The following CDC14A variants were observed in gnomAD, a reference collection of about 807,000 sequenced individuals.
The protein encoded by CDC14A is dual specificity protein phosphatase CDC14A.
Under a neutral mutation model 74.4 loss-of-function variants are expected in CDC14A, and 53 were observed. The observed-to-expected ratio is 0.71, with a 90% CI of 0.57 to 0.89. The LOEUF is 0.89. Ranked by LOEUF, CDC14A falls within the 40% of genes least tolerant of loss-of-function variation. CDC14A has a pLI of 0.00. For synonymous variants in CDC14A, 247 were observed against 258.4 expected, an observed-to-expected ratio of 0.96 and a Z score of 0.43; for missense variants, 646 against 713.7, an observed-to-expected ratio of 0.91 and a Z score of 1.08.
chr1:100,418,744 C>G (rs994944687), intron 4 of CDC14A, among the ~76,000 whole-genome samples: 27 of 152,190 alleles, frequency 1.8e-4, no homozygotes, highest in Non-Finnish European at 4.0e-4. Flanking sequence ...ATTTAAGACT[C>G]AGGGCCTTTT....
chr1:100,413,368 A>G (rs1403024035), intron 4 of CDC14A, among the ~76,000 whole-genome samples: 1 of 152,216 alleles, frequency 6.6e-6, no homozygotes, highest in African/African-American at 2.4e-5. Flanking sequence ...TTTAGTTCAC[A>G]TGCTTTGTGG....
At chr1:100,351,467 C>G (rs1245515988), upstream of CDC14A, among the ~76,000 whole-genome samples, 1 of 152,226 alleles carries the variant, frequency 6.6e-6, no homozygotes, top group African/African-American at 2.4e-5. Flanking sequence ...GCCCAGCGTT[C>G]AAGTTGTTCA....
rs920831771 is a variant in CDC14A, at chr1:100,499,041, C to T, written c.1534C>T (p.Pro512Ser). 1 of 1,614,166 alleles carries T rather than the reference C, an allele frequency of 6.2e-7. No homozygotes were observed. The highest frequency in any genetic ancestry group is 1.3e-5 in the African/African-American group (1 of 75,032). The change falls in exon 15 of 16, where the codon CCG (proline) becomes TCG (serine). Residue 512 changes from proline to serine, a missense_variant. Pro to Ser is a moderately conservative substitution (Grantham distance 74). Coordinates refer to ENST00000336454, the MANE Select transcript of CDC14A (RefSeq NM_003672.4). ...CTCTAAGGCAGGCTTCACAGCCAGC[C>T]CGTTTACCAACCTCTTGAATGGCAG... ...SSSKAGFTASPFTNLLNGSSQ... is the reference protein window; with the variant it reads ...SSSKAGFTASSFTNLLNGSSQ...
chr1:100,404,615 G>C (rs947290138), intron 4 of CDC14A, among the ~76,000 whole-genome samples: 10 of 152,264 alleles, frequency 6.6e-5, no homozygotes, highest in Middle Eastern at 3.4e-3. Flanking sequence ...TGGATCATGA[G>C]GTCAGGAGAT....
At chr1:100,491,242 A>G (rs900272243) in intron 11 of CDC14A, among the ~76,000 whole-genome samples, 8 of 152,106 alleles carry the variant, frequency 5.3e-5, no homozygotes, top group Non-Finnish European at 7.4e-5. Flanking sequence ...TTAAGTTAAA[A>G]AAGTTACAAA....
chr1:100,468,495 G>C (rs766074003), intron 10 of CDC14A, among the ~76,000 whole-genome samples: 1 of 152,066 alleles, frequency 6.6e-6, no homozygotes, highest in African/African-American at 2.4e-5. Flanking sequence ...TAAGATTGCT[G>C]CTCTCCTGAC....
chr1:100,351,203 A>C (rs1650943283), upstream of CDC14A, among the ~76,000 whole-genome samples: 2 of 147,682 alleles, frequency 1.4e-5, no homozygotes, highest in South Asian at 4.2e-4. Flanking sequence ...AAAACAAAAC[A>C]CACATTAAAA....
chr1:100,422,262 G>A (rs1662456399), intron 4 of CDC14A, among the ~76,000 whole-genome samples: 4 of 152,182 alleles, frequency 2.6e-5, no homozygotes, highest in Admixed American at 2.6e-4. Context: ...GTGGGCTGGT[G>A]CCTCCCTCTT....
chr1:100,352,817 G>T lies in CDC14A; in HGVS notation c.-138G>T, dbSNP rs758211887. On this transcript the variant is annotated 5_prime_UTR_variant, in exon 1 of 16. Coordinates refer to ENST00000336454, the MANE Select transcript of CDC14A (RefSeq NM_003672.4). ...GACCCCGAAGCCGCCTCCGCCTTCG[G>T]CGCCTGCTGCCTCCCTCGGCCAGGC... The T allele has an allele frequency of 1.1e-4, 163 of 1,472,306 alleles. No individual in the cohort carries two copies. The highest frequency in any genetic ancestry group is 9.1e-4 in the Admixed American group (34 of 37,338). 91.2% of individuals were successfully genotyped at this position (1,472,306 alleles called of 1,614,324 possible).
At chr1:100,406,809 C>A (rs527585230) in intron 4 of CDC14A, among the ~76,000 whole-genome samples, 1 of 152,060 alleles carries the variant, frequency 6.6e-6, no homozygotes, top group South Asian at 2.1e-4. Flanking sequence ...GCCTGTAATC[C>A]TAGCTTCTCA....
intron 4 of CDC14A, among the ~76,000 whole-genome samples, chr1:100,401,107 C>T (rs1659202917): frequency 6.6e-6 from 1 of 152,130 alleles, no homozygotes; most frequent in African/African-American, 2.4e-5. Flanking sequence ...AAGCTAACAT[C>T]CATTTGTTTC....
Position 100,496,032 on chromosome 1 carries a change from A to G in CDC14A, c.1281A>G (p.Ala427=), listed in dbSNP as rs1308994903. ...RSDDTKGHPR[A]VSQPFRLSSS... The stretch of plus-strand genomic sequence containing the variant: ...ATGATACAAAAGGACATCCAAGAGC[A>G]GTGTCCCAGCCTTTCAGGTACTGCC... Residue 427 remains alanine (A), a synonymous_variant, in exon 13 of 16, where the codon GCA becomes GCG. Transcript: ENST00000336454. 1.2e-6 allele frequency: 2 copies of G among 1,613,778 alleles called. No homozygotes were observed. The highest frequency in any genetic ancestry group is 2.7e-5 in the African/African-American group (2 of 74,930).
intron 4 of CDC14A, among the ~76,000 whole-genome samples, chr1:100,418,457 G>A (rs887608402): frequency 6.6e-6 from 1 of 152,154 alleles, no homozygotes; most frequent in Non-Finnish European, 1.5e-5. Flanking sequence ...AGGCTAGCGG[G>A]TAGGGTTCAT....
intron 15 of CDC14A, among the ~76,000 whole-genome samples, chr1:100,507,199 T>C (rs1649315222): frequency 1.3e-5 from 2 of 152,218 alleles, no homozygotes; most frequent in South Asian, 4.1e-4. Flanking sequence ...TGATTTGCTC[T>C]CATTTTTCTG....
At chr1:100,395,623 A>G (rs193075019) in intron 4 of CDC14A, among the ~76,000 whole-genome samples, 3 of 152,320 alleles carry the variant, frequency 2.0e-5, no homozygotes, top group Admixed American at 2.0e-4. Context: ...CTTGCTTCCC[A>G]TTAATTTAGT....
intron 4 of CDC14A, among the ~76,000 whole-genome samples, chr1:100,401,426 T>C (rs187689000): frequency 1.3e-4 from 20 of 152,218 alleles, no homozygotes; most frequent in Non-Finnish European, 2.6e-4. Context: ...TGTGATGTGC[T>C]TAAAGATAAA....
rs1040682887 is a variant in CDC14A at position 100,362,319 on chromosome 1, T to A, written c.140+8467T>A. On this transcript the variant is annotated intron_variant, in intron 2 of 15. Transcript: ENST00000336454. ...CATTGTGTCTTAGAAATATTTTTTTTAATTTTTCAAAGAATATTGCTTTTC... is the reference window on the plus strand; with the variant it reads ...CATTGTGTCTTAGAAATATTTTTTTAAATTTTTCAAAGAATATTGCTTTTC... Among the ~76,000 whole-genome samples, 14 of 151,720 alleles carry A rather than the reference T, an allele frequency of 9.2e-5. No homozygotes were observed. The East Asian group carries it at 9.6e-4, about 10-fold the overall frequency.
At chr1:100,408,363 T>G (rs1660225259) in intron 4 of CDC14A, among the ~76,000 whole-genome samples, 1 of 152,236 alleles carries the variant, frequency 6.6e-6, no homozygotes, top group African/African-American at 2.4e-5. Context: ...TTGTGAATAG[T>G]GCTGCAGTGA....
At chr1:100,382,390 A>ATTTTTTTTTTT (rs59014809) in intron 3 of CDC14A, among the ~76,000 whole-genome samples, 3 of 115,286 alleles carry the variant, frequency 2.6e-5, no homozygotes, top group Non-Finnish European at 3.6e-5. Flanking sequence ...CCAGCTAACT[A>ATTTTTTTTTTT]TTTTTTTTTT....
Sources: gnomAD v4.1 joint callset for allele counts (sites outside exome capture counted in the v4.1 genomes callset) on GRCh38, gnomAD v4.1.1 for gene constraint, MANE v1.5 for transcripts, NCBI Gene and HGNC (gene_info 2026-07-23, HGNC 2026-07-21) for gene names.